CCDC158: variants seen among roughly 807,000 people sequenced by gnomAD.
The protein encoded by CCDC158 is coiled-coil domain-containing protein 158.
CCDC158 carries 116 observed loss-of-function variants against 138.6 expected under a neutral mutation model. That is an observed-to-expected ratio of 0.84 (90% confidence interval 0.72 to 0.98). The LOEUF (loss-of-function observed/expected upper bound fraction) is 0.98, where lower values mean the gene tolerates loss of function less well. Ranked by LOEUF, CCDC158 falls within the 50% of genes least tolerant of loss-of-function variation. CCDC158 has a pLI of 0.00. For missense variants in CCDC158, 1,265 were observed against 1,306.1 expected (o/e 0.97, Z 0.48); for synonymous variants, 436 against 442.4 (o/e 0.99, Z 0.18).
At chr4:76,356,447 A>T (rs924098525) in intron 14 of CCDC158, among the ~76,000 whole-genome samples, 1 of 152,182 alleles carries the variant, frequency 6.6e-6, no homozygotes, top group Non-Finnish European at 1.5e-5. Flanking sequence ...TTCTCTAGGT[A>T]ACTTAATAAT....
In CCDC158 at chr4:76,379,381, G is replaced by C. The variant is rs1256615599; in HGVS notation, c.938C>G (p.Ser313Cys). 3 of 1,602,954 alleles carry C rather than the reference G, an allele frequency of 1.9e-6. No homozygotes were observed. The highest frequency in any genetic ancestry group is 2.6e-6 in the Non-Finnish European group (3 of 1,176,110). ...ATCGCTGAGCTGACGCATATACATA[G>C]AGTTTTGGTTTCTTGCTTGCTCTCT... ...IIQEQARNQN[S>C]MYMRQLSDLE... is the part of the protein sequence containing the mutation. The change falls in exon 9 of 25, where the codon TCT becomes TGT. Residue 313 changes from serine (S) to cysteine (C), a missense_variant. Coordinates refer to ENST00000682701, the MANE Select transcript of CCDC158 (RefSeq NM_001394954.1).
intron 23 of CCDC158, among the ~76,000 whole-genome samples, chr4:76,325,163 CAT>C (rs749856757): frequency 8.5e-5 from 13 of 152,218 alleles, no homozygotes; most frequent in South Asian, 4.2e-4. Context: ...AATGTACTAA[CAT>C]GTGATTAGGT....
chr4:76,383,614 T>C, intron 7 of CCDC158, 48 bp downstream of exon 7: 1 of 1,333,546 alleles, frequency 7.5e-7, no homozygotes, highest in Non-Finnish European at 1.1e-6. Context: ...ACTGTAAAAC[T>C]GTGGTTTAGT....
intron 24 of CCDC158, among the ~76,000 whole-genome samples, chr4:76,319,601 G>A (rs1356623016): frequency 1.4e-5 from 2 of 147,798 alleles, no homozygotes; most frequent in Non-Finnish European, 3.0e-5. Flanking sequence ...CCATGATCAA[G>A]TGGGTTTCAT....
intron 12 of CCDC158, among the ~76,000 whole-genome samples, chr4:76,366,515 T>A (rs2110232020): frequency 6.6e-6 from 1 of 152,190 alleles, no homozygotes; most frequent in East Asian, 1.9e-4. Flanking sequence ...TCGAGCACCT[T>A]CTGGGTGCAA....
chr4:76,420,155 C>T (rs998145686), intron 1 of CCDC158, among the ~76,000 whole-genome samples: 6 of 151,984 alleles, frequency 3.9e-5, no homozygotes, highest in African/African-American at 1.5e-4. Flanking sequence ...ACATCTCTCT[C>T]AGCACTCCTG....
At chr4:76,383,633 G>C (rs754675841) in intron 7 of CCDC158, 29 bp downstream of exon 7, 3 of 1,534,430 alleles carry the variant, frequency 2.0e-6, no homozygotes, top group Admixed American at 3.3e-5. Flanking sequence ...GTTTCGCTAG[G>C]CTTTTCCATA....
chr4:76,334,246 G>T, intron 18 of CCDC158, 79 bp from the exon 19 acceptor site: 1 of 1,322,354 alleles, frequency 7.6e-7, no homozygotes, highest in Non-Finnish European at 1.0e-6. Context: ...AATGCAACTG[G>T]TAAACAGAAA....
intron 12 of CCDC158, among the ~76,000 whole-genome samples, chr4:76,366,744 C>G (rs1724710016): frequency 6.6e-6 from 1 of 151,722 alleles, no homozygotes; most frequent in African/African-American, 2.4e-5. Context: ...GGGAAAGAAA[C>G]TAATATTTAT....
At chr4:76,325,674 C>CTAAG (rs1233539037) in intron 23 of CCDC158, among the ~76,000 whole-genome samples, 183 bp downstream of exon 23, 1 of 152,170 alleles carries the variant, frequency 6.6e-6, no homozygotes, top group Non-Finnish European at 1.5e-5. Flanking sequence ...TGTACATTTA[C>CTAAG]TAAGGCTTGC....
At chr4:76,338,747 G>T (rs762266337) in intron 18 of CCDC158, among the ~76,000 whole-genome samples, 1 of 152,146 alleles carries the variant, frequency 6.6e-6, no homozygotes, top group Non-Finnish European at 1.5e-5. Flanking sequence ...GTCCATGTGT[G>T]TCCTGCCCAT....
intron 9 of CCDC158, among the ~76,000 whole-genome samples, chr4:76,371,863 G>A (rs1056138019): frequency 4.6e-5 from 7 of 151,706 alleles, no homozygotes; most frequent in South Asian, 4.2e-4. Context: ...GCTTGGACCC[G>A]GGAGGCAGAG....
chr4:76,358,636 AC>A (rs1723818893), intron 13 of CCDC158, among the ~76,000 whole-genome samples: 2 of 151,914 alleles, frequency 1.3e-5, no homozygotes, highest in African/African-American at 4.8e-5. Context: ...TGTCCCTTGC[AC>A]CCCTTTTTCA....
chr4:76,339,253 T>C (rs1216598260), intron 18 of CCDC158, among the ~76,000 whole-genome samples: 6 of 151,936 alleles, frequency 3.9e-5, no homozygotes, highest in African/African-American at 1.5e-4. Context: ...TCATTCTTAG[T>C]GGCTAACTGT....
intron 14 of CCDC158, among the ~76,000 whole-genome samples, 182 bp downstream of exon 14, chr4:76,357,192 T>C (rs1458581534): frequency 2.0e-5 from 3 of 152,190 alleles, no homozygotes; most frequent in Non-Finnish European, 4.4e-5. Context: ...TCCATGGCAA[T>C]TTCCTAAAAA....
rs1263817415 is a variant in CCDC158 at position 76,384,088 on chromosome 4, T to C, written c.726A>G (p.Pro242=). The change falls in exon 6 of 25, where the codon CCA becomes CCG. Residue 242 remains proline (P), a splice_region_variant and synonymous_variant. Coordinates refer to ENST00000682701, the MANE Select transcript of CCDC158 (RefSeq NM_001394954.1). The stretch of plus-strand genomic sequence containing the variant: ...TTTAAGTAGCATTCTCACCACTTAC[T>C]GGAAATATCCTCCCTTTAAGATAAG... ...EISYLKGRIF[P]VEDQLEALKS... 1 of 1,578,700 alleles carries C rather than the reference T, an allele frequency of 6.3e-7. No homozygotes were observed. Among genetic ancestry groups the C allele is most frequent in the East Asian group, 2.2e-5 (1 of 44,518 alleles).
At chr4:76,416,063 T>A (rs1403160330) in intron 1 of CCDC158, among the ~76,000 whole-genome samples, 1 of 152,218 alleles carries the variant, frequency 6.6e-6, no homozygotes, top group Non-Finnish European at 1.5e-5. Context: ...TGGCTCTGCC[T>A]TTTAGATAGC....
chr4:76,377,326 T>C (rs1199363866), intron 9 of CCDC158, among the ~76,000 whole-genome samples: 1 of 152,226 alleles, frequency 6.6e-6, no homozygotes, highest in Non-Finnish European at 1.5e-5. Flanking sequence ...AGTTTGTCAA[T>C]AGACAATGAG....
At chr4:76,318,657 C>A (rs1351521064) in intron 24 of CCDC158, among the ~76,000 whole-genome samples, 1 of 152,138 alleles carries the variant, frequency 6.6e-6, no homozygotes, top group East Asian at 1.9e-4. Context: ...CTAAATCATT[C>A]TGTGAAGTCA....
Sources: allele counts gnomAD v4.1 joint callset (sites outside exome capture counted in the v4.1 genomes callset), GRCh38; gene constraint gnomAD v4.1.1; transcripts MANE v1.5; gene names NCBI Gene and HGNC (gene_info 2026-07-23, HGNC 2026-07-21).